Variants in SNCAIP observed in about 807,000 individuals in gnomAD.
SNCAIP encodes the protein synphilin-1.
In SNCAIP, 43 loss-of-function variants were observed where a neutral mutation model predicts 86.7. The ratio of observed to expected loss-of-function variants is 0.50; its 90% CI spans 0.39 to 0.64. The LOEUF is 0.64. Ranked by LOEUF, SNCAIP falls within the 30% of genes least tolerant of loss-of-function variation. The pLI, the probability that SNCAIP is intolerant of heterozygous loss-of-function variation, is 0.00. For synonymous variants in SNCAIP, 417 were observed against 427.2 expected, an observed-to-expected ratio of 0.98 and a Z score of 0.29; for missense variants, 981 against 1,103.1, an observed-to-expected ratio of 0.89 and a Z score of 1.57.
intron 10 of SNCAIP, among the ~76,000 whole-genome samples, chr5:122,456,285 A>T (rs1304889839): frequency 2.6e-5 from 4 of 152,214 alleles, no homozygotes; most frequent in African/African-American, 4.8e-5. Context: ...GAGAGCCAAG[A>T]GCTGGTATCA....
chr5:122,339,810 A>G lies in SNCAIP; in HGVS notation c.-47+27526A>G, dbSNP rs550574551. On this transcript the variant is annotated intron_variant, in intron 1 of 10. Transcript: ENST00000261368. ...TGTTTGGCTAATACTGTCTGCTAGA[A>G]CAGAAGTCTGGGAACTAACGTGGAA... is the stretch of plus-strand genomic sequence containing the variant. 4.6e-5 allele frequency among the ~76,000 whole-genome samples: 7 copies of G among 152,324 alleles called. No homozygotes were observed. In the South Asian group the frequency reaches 1.4e-3, roughly 32 times the overall value.
At position 122,451,224 on chromosome 5, in the gene SNCAIP, A is replaced by T; in HGVS notation, c.2377A>T (p.Thr793Ser). 6.2e-7 allele frequency: 1 copy of T among 1,614,166 alleles called. No homozygotes were observed. The highest frequency in any genetic ancestry group is 1.1e-5 in the South Asian group (1 of 91,084). The change falls in exon 10 of 11, where the codon ACA becomes TCA. Residue 793 changes from threonine to serine, a missense_variant. Coordinates refer to ENST00000261368, the MANE Select transcript of SNCAIP (RefSeq NM_005460.4). ...PDSTAAQKVA[T>S]SPKSALKSPS... ...CAGTACTGCTGCCCAGAAAGTTGCC[A>T]CAAGTCCCAAGAGTGCCCTCAAGTC...
intron 1 of SNCAIP, among the ~76,000 whole-genome samples, chr5:122,384,055 A>G (rs7721541): frequency 0.014 from 2,057 of 152,356 alleles, 26 homozygotes; most frequent in Non-Finnish European, 0.022. Flanking sequence ...AAAGAAGGGT[A>G]ATTCATTTGG....
chr5:122,422,460 G>A (rs572420515), intron 3 of SNCAIP, among the ~76,000 whole-genome samples: 104 of 152,288 alleles, frequency 6.8e-4, no homozygotes, highest in African/African-American at 2.3e-3. Flanking sequence ...GTGTGCATAC[G>A]TCCCTTTTCT....
At chr5:122,432,847 G>C (rs304381) in intron 6 of SNCAIP, among the ~76,000 whole-genome samples, 48,178 of 151,978 alleles carry the variant, frequency 0.32, 8,014 homozygotes, top group Non-Finnish European at 0.37. Flanking sequence ...ACCAATCTCA[G>C]TCTTAAAAAA....
chr5:122,444,629 G>T lies in SNCAIP; in HGVS notation c.1489G>T (p.Ala497Ser). ...CGCTGGGGAAAAGCCCTCCCAGAGC[G>T]CCGAGCGGCAGGGGCACACCCTGTG... ...NHAGEKPSQS[A>S]ERQGHTLCSR... is the part of the protein sequence containing the mutation. The change falls in exon 8 of 11, where the codon GCC becomes TCC. Residue 497 changes from alanine (A) to serine (S), a missense_variant. Ala to Ser is a moderately conservative substitution (Grantham distance 99). Coordinates refer to ENST00000261368, the MANE Select transcript of SNCAIP (RefSeq NM_005460.4). The T allele has an allele frequency of 1.2e-6, 2 of 1,614,068 alleles. No homozygotes were observed. Among genetic ancestry groups the T allele is most frequent in the Non-Finnish European group, 1.7e-6 (2 of 1,179,940 alleles).
chr5:122,330,117 C>CCTTTTTTTTTTT (rs1415466705), intron 1 of SNCAIP, among the ~76,000 whole-genome samples: 1 of 96,848 alleles, frequency 1.0e-5, no homozygotes, highest in African/African-American at 4.3e-5. Context: ...AACTTCATTT[C>CCTTTTTTTTTTT]TTTTTTTTTT....
intron 9 of SNCAIP, among the ~76,000 whole-genome samples, chr5:122,450,220 A>C (rs561343880): frequency 3.9e-5 from 6 of 152,126 alleles, no homozygotes; most frequent in Non-Finnish European, 8.8e-5. Flanking sequence ...TGAAGTGGGA[A>C]TAGGAGATAT....
At chr5:122,394,998 C>T (rs945020858) in intron 2 of SNCAIP, among the ~76,000 whole-genome samples, 2 of 152,178 alleles carry the variant, frequency 1.3e-5, no homozygotes, top group Admixed American at 6.6e-5. Context: ...GGCCACCTTA[C>T]TCCTCCCCAT....
intron 3 of SNCAIP, among the ~76,000 whole-genome samples, chr5:122,421,628 C>T (rs556751747): frequency 2.6e-5 from 4 of 152,194 alleles, no homozygotes; most frequent in South Asian, 2.1e-4. Flanking sequence ...AGAAGAGAAG[C>T]GGTAAATGGA....
intron 5 of SNCAIP, among the ~76,000 whole-genome samples, chr5:122,426,357 A>T (rs1361485209): frequency 1.3e-5 from 2 of 152,150 alleles, no homozygotes; most frequent in Non-Finnish European, 2.9e-5. Context: ...TATAAATTTA[A>T]TTATATTGAA....
intron 1 of SNCAIP, among the ~76,000 whole-genome samples, chr5:122,364,128 C>G (rs779550291): frequency 6.6e-6 from 1 of 152,194 alleles, no homozygotes; most frequent in Non-Finnish European, 1.5e-5. Context: ...ACCAGAGCAA[C>G]TCCATCTTGA....
intron 1 of SNCAIP, among the ~76,000 whole-genome samples, chr5:122,354,671 T>C (rs1009568342): frequency 2.6e-5 from 4 of 152,218 alleles, no homozygotes; most frequent in Admixed American, 2.0e-4. Context: ...GGTTATATGA[T>C]ATTTTCAATG....
intron 3 of SNCAIP, among the ~76,000 whole-genome samples, chr5:122,420,370 CCCTTTGAA>C (rs1776139334): frequency 6.6e-6 from 1 of 152,126 alleles, no homozygotes; most frequent in Admixed American, 6.6e-5. Context: ...AAAAGAGTAG[CCCTTTGAA>C]CCTACGACCT....
At chr5:122,446,963 G>A (rs1419469214) in intron 8 of SNCAIP, among the ~76,000 whole-genome samples, 1 of 152,200 alleles carries the variant, frequency 6.6e-6, no homozygotes, top group African/African-American at 2.4e-5. Flanking sequence ...AAAAAAGTAT[G>A]TTAGATTGTG....
At chr5:122,355,820 G>A (rs2152753645) in intron 1 of SNCAIP, among the ~76,000 whole-genome samples, 1 of 152,228 alleles carries the variant, frequency 6.6e-6, no homozygotes, top group South Asian at 2.1e-4. Context: ...CACTGTATCT[G>A]TGAAGCCCCT....
At chr5:122,448,544 C>G (rs1782818256) in intron 8 of SNCAIP, among the ~76,000 whole-genome samples, 1 of 142,800 alleles carries the variant, frequency 7.0e-6, no homozygotes, top group East Asian at 2.0e-4. Context: ...TGAAGTATAT[C>G]CTTCCATATT....
intron 3 of SNCAIP, among the ~76,000 whole-genome samples, chr5:122,417,243 C>T (rs892719824): frequency 2.6e-5 from 4 of 152,158 alleles, no homozygotes; most frequent in Non-Finnish European, 5.9e-5. Flanking sequence ...TCTGTGTCAG[C>T]AATCAGCATA....
At chr5:122,417,043 T>A (rs1775453463) in intron 3 of SNCAIP, among the ~76,000 whole-genome samples, 1 of 152,228 alleles carries the variant, frequency 6.6e-6, no homozygotes, top group Non-Finnish European at 1.5e-5. Flanking sequence ...TTTCTTTCTA[T>A]TCTTGATGTC....
Sources: gnomAD v4.1 joint callset for allele counts (sites outside exome capture counted in the v4.1 genomes callset) on GRCh38, gnomAD v4.1.1 for gene constraint, MANE v1.5 for transcripts, NCBI Gene and HGNC (gene_info 2026-07-23, HGNC 2026-07-21) for gene names.